Variants in BMPR1B observed in about 807,000 individuals in gnomAD.
BMPR1B encodes the protein bone morphogenetic protein receptor type-1B.
In BMPR1B, 12 loss-of-function variants were observed where a neutral mutation model predicts 59.1. The ratio of observed to expected loss-of-function variants is 0.20; its 90% CI spans 0.13 to 0.33. The LOEUF is 0.33. BMPR1B is among the 10% of genes least tolerant of loss of function. The pLI, the probability that BMPR1B is intolerant of heterozygous loss-of-function variation, is 1.00. For missense variants in BMPR1B, 550 were observed against 610.9 expected (o/e 0.90, Z 1.05); for synonymous variants, 237 against 207.3 (o/e 1.14, Z -1.23).
chr4:94,985,843 G>A (rs765442616), intron 2 of BMPR1B, among the ~76,000 whole-genome samples: 27 of 151,988 alleles, frequency 1.8e-4, no homozygotes, highest in East Asian at 9.6e-4. Flanking sequence ...TGCCTATCCC[G>A]ATGAACAAAT....
intron 1 of BMPR1B, among the ~76,000 whole-genome samples, chr4:94,817,836 A>G (rs1303367776): frequency 6.6e-6 from 1 of 152,122 alleles, no homozygotes; most frequent in Non-Finnish European, 1.5e-5. Flanking sequence ...TCCTTTTCCA[A>G]CTACTTTCAT....
chr4:94,990,143 G>T (rs1308113501), intron 2 of BMPR1B, among the ~76,000 whole-genome samples: 1 of 152,162 alleles, frequency 6.6e-6, no homozygotes, highest in Non-Finnish European at 1.5e-5. Context: ...GGATCACTAG[G>T]TCAGGAGTTT....
rs564220321 is a variant in BMPR1B at position 94,807,523 on chromosome 4, G to A, written c.-183+49455G>A. Among the ~76,000 whole-genome samples the A allele has an allele frequency of 5.3e-5, 8 of 152,274 alleles. No homozygotes were observed. The East Asian group carries it at 1.5e-3, about 29-fold the overall frequency. ...TAATTAATAATAATTTTAACTTTAA[G>A]TAGTGAAATATGGTTATAGCAAATC... On this transcript the variant is annotated intron_variant, in intron 1 of 12. Transcript: ENST00000515059.
intron 3 of BMPR1B, among the ~76,000 whole-genome samples, chr4:95,088,386 G>A (rs1729745251): frequency 1.3e-5 from 2 of 150,922 alleles, no homozygotes; most frequent in Non-Finnish European, 2.9e-5. Flanking sequence ...GGTGCCTATA[G>A]GACAAGGCTT....
chr4:94,788,943 A>G (rs1722857041), intron 1 of BMPR1B, among the ~76,000 whole-genome samples: 1 of 152,150 alleles, frequency 6.6e-6, no homozygotes. Context: ...CTCACCTTCT[A>G]TCACATCTAT....
intron 1 of BMPR1B, among the ~76,000 whole-genome samples, chr4:94,779,291 A>G (rs1215203478): frequency 6.6e-6 from 1 of 152,124 alleles, no homozygotes; most frequent in Admixed American, 6.6e-5. Flanking sequence ...TTGTCCATTA[A>G]TGTCAGCCCT....
rs139157752 is a variant in BMPR1B, at chr4:95,035,528, C to G, written c.-18+39394C>G. Among the ~76,000 whole-genome samples, 274 of 152,128 alleles carry G rather than the reference C, an allele frequency of 1.8e-3. 4 individuals carry two copies. In the East Asian group the frequency reaches 0.033, roughly 18 times the overall value. ...CCAATTATCTCAGCACCATTTGTTG[C>G]ATAGGGTGTTCTTTCCCCCACTTTA... On this transcript the variant is annotated intron_variant, in intron 3 of 12. Coordinates refer to ENST00000515059, the MANE Select transcript of BMPR1B (RefSeq NM_001203.3).
intron 1 of BMPR1B, among the ~76,000 whole-genome samples, chr4:94,867,296 G>A (rs1466465212): frequency 6.6e-6 from 1 of 152,086 alleles, no homozygotes; most frequent in Non-Finnish European, 1.5e-5. Context: ...ATGTTTGTGT[G>A]TTCCATAGAC....
intron 6 of BMPR1B, among the ~76,000 whole-genome samples, chr4:95,121,203 A>T (rs147600169): frequency 2.1e-4 from 32 of 152,356 alleles, no homozygotes; most frequent in African/African-American, 7.7e-4. Flanking sequence ...TATGAAATAC[A>T]TAGGAATACA....
At chr4:94,800,447 ATTTTT>A (rs71583665) in intron 1 of BMPR1B, among the ~76,000 whole-genome samples, 2 of 120,106 alleles carry the variant, frequency 1.7e-5, no homozygotes, top group Admixed American at 8.6e-5. Flanking sequence ...GGTCTTTACT[ATTTTT>A]TTTTTTTTTT....
intron 1 of BMPR1B, among the ~76,000 whole-genome samples, chr4:94,851,658 TTA>T (rs1476018873): frequency 1.4e-5 from 2 of 143,078 alleles, no homozygotes; most frequent in South Asian, 2.3e-4. Flanking sequence ...TAATCATATT[TTA>T]TCTTATAATA....
chr4:95,072,533 C>T (rs1420563429), intron 3 of BMPR1B, among the ~76,000 whole-genome samples: 3 of 152,058 alleles, frequency 2.0e-5, no homozygotes, highest in Non-Finnish European at 2.9e-5. Context: ...TAATAGAGAC[C>T]AGAATAAAGT....
intron 10 of BMPR1B, among the ~76,000 whole-genome samples, chr4:95,138,320 C>A (rs1385827164): frequency 6.6e-6 from 1 of 152,152 alleles, no homozygotes; most frequent in Non-Finnish European, 1.5e-5. Flanking sequence ...CCCGACCTTT[C>A]TCTCTGACTG....
At position 95,152,765 on chromosome 4, in the gene BMPR1B, A is replaced by G. The variant is rs1424924349; in HGVS notation, c.1375A>G (p.Ser459Gly). 2 of 1,612,244 alleles carry G rather than the reference A, an allele frequency of 1.2e-6. No homozygotes were observed. Among genetic ancestry groups the G allele is most frequent in the Non-Finnish European group, 1.7e-6 (2 of 1,179,222 alleles). Residue 459 changes from serine (S) to glycine (G), a missense_variant, in exon 12 of 13, where the codon AGT becomes GGT. Around this residue, in one of 6 missense-constraint regions of BMPR1B, gnomAD observed 123 missense variants for 164.6 expected, o/e 0.75. Coordinates refer to ENST00000515059, the MANE Select transcript of BMPR1B (RefSeq NM_001203.3). ...CCCCTCATTCCCAAACCGGTGGAGCAGTGATGAGGTAAGGCTTGAGGTAAC... is the reference window on the plus strand; with the variant it reads ...CCCCTCATTCCCAAACCGGTGGAGCGGTGATGAGGTAAGGCTTGAGGTAAC... ...LRPSFPNRWSSDECLRQMGKL... is the reference protein window; with the variant it reads ...LRPSFPNRWSGDECLRQMGKL...
intron 1 of BMPR1B, among the ~76,000 whole-genome samples, chr4:94,834,593 T>G (rs1406011622): frequency 2.0e-5 from 3 of 152,156 alleles, no homozygotes; most frequent in African/African-American, 7.2e-5. Context: ...CTGATTGATA[T>G]TAAACCCATT....
intron 2 of BMPR1B, among the ~76,000 whole-genome samples, chr4:94,994,332 T>C (rs902404711): frequency 6.6e-6 from 1 of 152,212 alleles, no homozygotes; most frequent in Non-Finnish European, 1.5e-5. Context: ...TGTGTTGTGC[T>C]CTTTCCTGCC....
intron 3 of BMPR1B, among the ~76,000 whole-genome samples, chr4:95,063,606 A>G (rs1361830195): frequency 6.6e-6 from 1 of 152,186 alleles, no homozygotes; most frequent in Admixed American, 6.5e-5. Flanking sequence ...TTAGAGGAGA[A>G]TATTTATATG....
At chr4:94,815,077 G>C (rs1394963856) in intron 1 of BMPR1B, among the ~76,000 whole-genome samples, 1 of 151,956 alleles carries the variant, frequency 6.6e-6, no homozygotes, top group Non-Finnish European at 1.5e-5. Context: ...CTAATTTTTT[G>C]TATTTTTAGT....
chr4:94,911,476 T>G (rs1193031256), intron 2 of BMPR1B, among the ~76,000 whole-genome samples: 9 of 152,140 alleles, frequency 5.9e-5, no homozygotes, highest in African/African-American at 2.2e-4. Flanking sequence ...ATTTAAGAAC[T>G]ACAAGCAACT....
Sources: gnomAD v4.1 joint callset for allele counts (sites outside exome capture counted in the v4.1 genomes callset) on GRCh38, gnomAD v4.1.1 for gene constraint, gnomAD v4.1.1 regional missense constraint, MANE v1.5 for transcripts, NCBI Gene and HGNC (gene_info 2026-07-23, HGNC 2026-07-21) for gene names.